The following LRRC8B variants were observed in gnomAD, a reference collection of about 807,000 sequenced individuals.
LRRC8B encodes leucine rich repeat containing 8 VRAC subunit B, also known as volume-regulated anion channel subunit LRRC8B.
In LRRC8B, 23 loss-of-function variants were observed where a neutral mutation model predicts 58.8. That is an observed-to-expected ratio of 0.39 (90% CI 0.28 to 0.55). The LOEUF is 0.55. Among genes scored for constraint, LRRC8B ranks in the 20% least tolerant of loss-of-function variants. The pLI is 0.62. For missense variants in LRRC8B, 694 were observed against 936.0 expected, an observed-to-expected ratio of 0.74 and a Z score of 3.37; for synonymous variants, 359 against 374.1, an observed-to-expected ratio of 0.96 and a Z score of 0.47.
chr1:89,590,657 A>C (rs1489795389), intron 5 of LRRC8B, among the ~76,000 whole-genome samples: 2 of 152,242 alleles, frequency 1.3e-5, no homozygotes, highest in Non-Finnish European at 2.9e-5. Flanking sequence ...ATAGCCAGAC[A>C]AGAGAGTGAG....
chr1:89,548,959 G>T (rs935686986), intron 1 of LRRC8B, among the ~76,000 whole-genome samples: 3 of 152,242 alleles, frequency 2.0e-5, no homozygotes, highest in African/African-American at 7.2e-5. Flanking sequence ...GAAGATTGGG[G>T]TGTGATTGCT....
intron 1 of LRRC8B, 77 bp from the exon 2 acceptor site, chr1:89,568,170 T>C (rs1260153458): frequency 6.6e-6 from 1 of 152,164 alleles, no homozygotes; most frequent in East Asian, 1.9e-4. Flanking sequence ...TCAATGTTTA[T>C]GTTTTGTGCC....
At position 89,597,103 on chromosome 1, in the gene LRRC8B, T is replaced by G. The variant is rs1655338876; in HGVS notation, c.*4060T>G. On this transcript the variant is annotated 3_prime_UTR_variant, in exon 6 of 6. Transcript: ENST00000330947. Reference sequence around the variant, plus strand: ...TTCTTTTCAGCTGGATGTGAAAAGCTGAAGCAGTGAAAACCTGCAGTCTTA... The same window carrying G: ...TTCTTTTCAGCTGGATGTGAAAAGCGGAAGCAGTGAAAACCTGCAGTCTTA... The G allele has an allele frequency of 6.6e-6, 1 of 152,194 alleles. No homozygotes were observed. The highest frequency in any genetic ancestry group is 6.6e-5 in the Admixed American group (1 of 15,266). The allele number at this position is 152,194 out of a possible 1,614,324, so 9.4% of individuals were successfully genotyped here. A position where few individuals can be genotyped will look rare whatever the true frequency, so the allele number is the denominator to read the frequency against.
chr1:89,541,710 C>CAAAAAAAAAAA lies in LRRC8B; in HGVS notation c.-241+16717_-241+16727dup, dbSNP rs61714771. On this transcript the variant is annotated intron_variant, in intron 1 of 5. Coordinates refer to ENST00000330947, the MANE Select transcript of LRRC8B (RefSeq NM_001369817.2). ...TGGGCGACAGAGGGAGACTCCGTCT[C>CAAAAAAAAAAA]AAAAAAAAAAAAAAAAAAAAAAAAA... Among the ~76,000 whole-genome samples, 14 of 42,232 alleles carry CAAAAAAAAAAA rather than the reference C, an allele frequency of 3.3e-4. 2 individuals are homozygous for CAAAAAAAAAAA. Among genetic ancestry groups the CAAAAAAAAAAA allele is most frequent in the African/African-American group, 1.3e-3 (12 of 9,222 alleles). 27.7% of individuals were successfully genotyped at this position (42,232 alleles called of 152,430 possible).
At position 89,583,681 on chromosome 1, in the gene LRRC8B, A is replaced by G; in HGVS notation, c.1031A>G (p.Gln344Arg). 2 of 1,614,064 alleles carry G rather than the reference A, an allele frequency of 1.2e-6. No individual in the cohort carries two copies. Among genetic ancestry groups the G allele is most frequent in the East Asian group, 2.2e-5 (1 of 44,890 alleles). Reference sequence around the variant, plus strand: ...TGGATGCTGAGGAGTTCCCTGAAGCAATATTCCTTTGAGGCGTTAAGAGAA... The same window carrying G: ...TGGATGCTGAGGAGTTCCCTGAAGCGATATTCCTTTGAGGCGTTAAGAGAA... ...LWWMLRSSLK[Q>R]YSFEALREKS... The change falls in exon 5 of 6, where the codon CAA becomes CGA. Residue 344 changes from glutamine to arginine, a missense_variant. By Grantham distance (43) the Gln-to-Arg change is conservative. Transcript: ENST00000330947. This position sits in a 1 kb window ranked among gnomAD's most constrained non-coding sequence, Gnocchi z 5.2.
At chr1:89,567,088 A>C (rs767146183) in intron 1 of LRRC8B, among the ~76,000 whole-genome samples, 4 of 152,178 alleles carry the variant, frequency 2.6e-5, no homozygotes, top group Non-Finnish European at 5.9e-5. Flanking sequence ...GGACGTGCTG[A>C]CGCAGGCCGC....
In LRRC8B at chr1:89,578,132, T is replaced by C. The variant is rs552350356; in HGVS notation, c.-124-1459T>C. Among the ~76,000 whole-genome samples, 5 of 152,280 alleles carry C rather than the reference T, an allele frequency of 3.3e-5. No homozygotes were observed. In the South Asian group the frequency reaches 6.2e-4, roughly 19 times the overall value. On this transcript the variant is annotated intron_variant, in intron 3 of 5. Transcript: ENST00000330947. ...TTATTTCAATGGCTTGTTTTAAGTA[T>C]AAAACAAATTAATGTAAATGAGACA...
Position 89,583,628 on chromosome 1 carries a change from T to A in LRRC8B, c.978T>A (p.Tyr326Ter). ...TTTATGTCATTTTGGTTATACTTTA[T>A]GGTCTGACCTCTTCCTACAGCCTGT... Reference protein sequence around the residue: ...ASFYVILVILYGLTSSYSLWW... With the variant: ...ASFYVILVIL The change falls in exon 5 of 6, where the codon TAT becomes TAA. Residue 326 changes from tyrosine to a stop codon, truncating the protein, a stop_gained. Coordinates refer to ENST00000330947, the MANE Select transcript of LRRC8B (RefSeq NM_001369817.2). LOFTEE classifies it high-confidence loss of function. The surrounding 1 kb of genome is among the most constrained non-coding windows in gnomAD (Gnocchi z 5.2). 1 of 1,613,004 alleles carries A rather than the reference T, an allele frequency of 6.2e-7. No individual in the cohort carries two copies. The highest frequency in any genetic ancestry group is 8.5e-7 in the Non-Finnish European group (1 of 1,180,030).
At chr1:89,533,219 A>C (rs1403867835) in intron 1 of LRRC8B, among the ~76,000 whole-genome samples, 1 of 152,192 alleles carries the variant, frequency 6.6e-6, no homozygotes, top group African/African-American at 2.4e-5. Context: ...CCTGGGTTTA[A>C]TAACCCTTTA....
At chr1:89,529,355 G>A (rs905384320) in intron 1 of LRRC8B, among the ~76,000 whole-genome samples, 6 of 152,126 alleles carry the variant, frequency 3.9e-5, no homozygotes, top group African/African-American at 1.4e-4. Context: ...GAGGAGATGA[G>A]GTTTTTGAGT....
At chr1:89,526,416 T>G (rs1461991826) in intron 1 of LRRC8B, among the ~76,000 whole-genome samples, 1 of 152,184 alleles carries the variant, frequency 6.6e-6, no homozygotes. Flanking sequence ...GGTTTCACCA[T>G]GTTGGCCAGG....
chr1:89,563,631 A>G (rs570856907), intron 1 of LRRC8B, among the ~76,000 whole-genome samples: 2 of 152,180 alleles, frequency 1.3e-5, no homozygotes, highest in Non-Finnish European at 2.9e-5. Flanking sequence ...TGTTTATAGG[A>G]TCATACTTTA....
rs201656969 is a variant in LRRC8B, at chr1:89,528,130, ATTCT to A, written c.-241+3114_-241+3117del. ...TTTTTAAATTTCAGAATCCCTTTAA[ATTCT>A]TTCTTCTCATCTGTCATCCTGTGAC... is the stretch of plus-strand genomic sequence containing the variant. On this transcript the variant is annotated intron_variant, in intron 1 of 5. Transcript: ENST00000330947. 2.2e-3 allele frequency among the ~76,000 whole-genome samples: 337 copies of A among 152,132 alleles called. 7 individuals carry two copies. The East Asian group carries it at 0.044, about 20-fold the overall frequency.
At chr1:89,576,997 G>A (rs188375093) in intron 3 of LRRC8B, among the ~76,000 whole-genome samples, 1 of 152,142 alleles carries the variant, frequency 6.6e-6, no homozygotes, top group Non-Finnish European at 1.5e-5. Flanking sequence ...AACAAAAGGC[G>A]AATTTAAATT....
chr1:89,532,818 G>A (rs1650238266), intron 1 of LRRC8B, among the ~76,000 whole-genome samples: 1 of 152,204 alleles, frequency 6.6e-6, no homozygotes, highest in South Asian at 2.1e-4. Context: ...TGAGGGCCTG[G>A]AGTTAGTGGA....
chr1:89,575,632 A>G (rs1347911410), intron 3 of LRRC8B, among the ~76,000 whole-genome samples: 3 of 152,226 alleles, frequency 2.0e-5, no homozygotes, highest in Admixed American at 1.3e-4. Context: ...GCCTCTTCCT[A>G]GGAAAGGCTC....
chr1:89,582,686 T>C lies in LRRC8B; in HGVS notation c.36T>C (p.Asp12=). 6.2e-7 allele frequency: 1 copy of C among 1,614,134 alleles called. No homozygotes were observed. Residue 12 remains aspartate (D), a synonymous_variant, in exon 5 of 6, where the codon GAT becomes GAC. Coordinates refer to ENST00000330947, the MANE Select transcript of LRRC8B (RefSeq NM_001369817.2). The part of the protein sequence containing the change: ...ITLTELKCLA[D]AQSSYHILKP... ...TAACTGAGCTAAAATGCTTAGCAGATGCCCAGTCATCTTATCACATCTTAA... is the reference window on the plus strand; with the variant it reads ...TAACTGAGCTAAAATGCTTAGCAGACGCCCAGTCATCTTATCACATCTTAA...
chr1:89,581,054 G>A (rs538599804), intron 4 of LRRC8B, among the ~76,000 whole-genome samples: 1 of 152,194 alleles, frequency 6.6e-6, no homozygotes, highest in East Asian at 1.9e-4. Context: ...CTCTTTGAGA[G>A]GCCAAGGTGG....
chr1:89,548,910 A>C (rs191790344), intron 1 of LRRC8B, among the ~76,000 whole-genome samples: 1 of 152,324 alleles, frequency 6.6e-6, no homozygotes, highest in Non-Finnish European at 1.5e-5. Context: ...AGGCGTATAA[A>C]TACAATAGAA....
Sources: allele counts gnomAD v4.1 joint callset (sites outside exome capture counted in the v4.1 genomes callset), GRCh38; gene constraint gnomAD v4.1.1; non-coding constraint Gnocchi (gnomAD v3.1); transcripts MANE v1.5; gene names NCBI Gene and HGNC (gene_info 2026-07-23, HGNC 2026-07-21).